Variants in SLC38A8 observed in about 807,000 individuals in gnomAD.
The protein encoded by SLC38A8 is solute carrier family 38 member 8, also known as amino acid transporter SLC38A8.
Under a neutral mutation model 46.0 loss-of-function variants are expected in SLC38A8, and 65 were observed. The ratio of observed to expected loss-of-function variants is 1.41; its 90% confidence interval spans 1.16 to 1.74. The LOEUF (loss-of-function observed/expected upper bound fraction) is 1.74. Ranked by LOEUF, SLC38A8 falls within the 40% of genes most tolerant of loss-of-function variation. The pLI is 0.00. For synonymous variants in SLC38A8, 447 were observed against 243.7 expected (o/e 1.83, Z -7.77); for missense variants, 998 against 567.9 (o/e 1.76, Z -7.70).
Position 84,042,159 on chromosome 16 carries a change from G to A in SLC38A8, c.-2C>T, listed in dbSNP as rs376267915. 6.2e-7 allele frequency: 1 copy of A among 1,607,454 alleles called. No individual in the cohort carries two copies. The highest frequency in any genetic ancestry group is 1.3e-5 in the African/African-American group (1 of 74,628). ...GCTTCCTGGGGTCTGTCCCTCCATG[G>A]CTAGAGGCGGCAGAGGGGTGGAGAG... On this transcript the variant is annotated splice_region_variant and 5_prime_UTR_variant, in exon 2 of 11. Transcript: ENST00000299709.
At chr16:84,011,920 G>C (rs1015522394) in intron 10 of SLC38A8, among the ~76,000 whole-genome samples, 2 of 152,168 alleles carry the variant, frequency 1.3e-5, no homozygotes, top group African/African-American at 4.8e-5. Context: ...GGATTTCTGA[G>C]ACGCAGAGAC....
chr16:84,021,543 C>T (rs2085096683), intron 7 of SLC38A8, among the ~76,000 whole-genome samples: 2 of 152,224 alleles, frequency 1.3e-5, no homozygotes, highest in Admixed American at 1.3e-4. Flanking sequence ...CCATGACTAA[C>T]TAGAGTATCT....
intron 6 of SLC38A8, among the ~76,000 whole-genome samples, chr16:84,025,154 G>A (rs867390458): frequency 6.9e-5 from 7 of 101,520 alleles, no homozygotes; most frequent in Admixed American, 1.9e-4. Flanking sequence ...CACACCGGGC[G>A]GGGATGCTTT....
intron 3 of SLC38A8, among the ~76,000 whole-genome samples, chr16:84,034,464 G>T (rs1165202094): frequency 6.6e-6 from 1 of 152,198 alleles, no homozygotes; most frequent in Non-Finnish European, 1.5e-5. Context: ...GAGTGGGAGG[G>T]TGGTTGGAGG....
intron 2 of SLC38A8, among the ~76,000 whole-genome samples, chr16:84,038,081 C>T (rs773509747): frequency 9.2e-5 from 14 of 151,892 alleles, no homozygotes; most frequent in South Asian, 2.1e-4. Flanking sequence ...GAGGCCAAGG[C>T]GGGAGGATCA....
At chr16:84,013,888 C>A (rs1162403585) in intron 9 of SLC38A8, among the ~76,000 whole-genome samples, 3 of 152,210 alleles carry the variant, frequency 2.0e-5, no homozygotes, top group Admixed American at 6.5e-5. Context: ...GTCACAGCAT[C>A]AGAATTTAAT....
At position 84,016,611 on chromosome 16, in the gene SLC38A8, A is replaced by T. The variant is rs1334767996; in HGVS notation, c.1070T>A (p.Val357Glu). 1.2e-6 allele frequency: 2 copies of T among 1,613,968 alleles called. No homozygotes were observed. The highest frequency in any genetic ancestry group is 2.2e-5 in the South Asian group (2 of 91,090). Residue 357 changes from valine (V) to glutamate (E), a missense_variant, in exon 9 of 11, where the codon GTG becomes GAG. Transcript: ENST00000299709. ...CATAAACAGCGCCATGGCGAGCGTC[A>T]CGGTGACCCACAGGATGGTCAGCGG... Reference protein sequence around the residue: ...RMPLTILWVTVTLAMALFMPD... With the variant: ...RMPLTILWVTETLAMALFMPD...
At chr16:84,038,214 C>T (rs7184301) in intron 2 of SLC38A8, among the ~76,000 whole-genome samples, 1 of 151,620 alleles carries the variant, frequency 6.6e-6, no homozygotes, top group Non-Finnish European at 1.5e-5. Flanking sequence ...GGGAGGCTGA[C>T]GCAGGAGAAT....
At chr16:84,026,110 A>G (rs1319371505) in intron 6 of SLC38A8, among the ~76,000 whole-genome samples, 1 of 152,238 alleles carries the variant, frequency 6.6e-6, no homozygotes, top group Non-Finnish European at 1.5e-5. Context: ...AGCTCTGCGT[A>G]TAGGGGCACA....
intron 9 of SLC38A8, among the ~76,000 whole-genome samples, chr16:84,013,435 T>TGTTTTTTTGTTTTGTTG (rs1555551880): frequency 7.7e-6 from 1 of 130,696 alleles, no homozygotes; most frequent in Non-Finnish European, 1.6e-5. Context: ...TTTTTTTTTT[T>TGTTTTTTTGTTTTGTTG]TTTTTTTTTT....
chr16:84,025,791 C>T lies in SLC38A8; in HGVS notation c.691-2902G>A, dbSNP rs75541435. The stretch of plus-strand genomic sequence containing the variant: ...GGAGGGCACAGTGGCCTCCTCCCTC[C>T]GGCTTCCAGCCCTAGTTGAGCACAG... On this transcript the variant is annotated intron_variant, in intron 6 of 10. Coordinates refer to ENST00000299709, the MANE Select transcript of SLC38A8 (RefSeq NM_001080442.3). Among the ~76,000 whole-genome samples, 830 of 152,358 alleles carry T rather than the reference C, an allele frequency of 5.4e-3. 6 individuals carry two copies. The highest frequency in any genetic ancestry group is 0.018 in the African/African-American group (746 of 41,584).
intron 2 of SLC38A8, among the ~76,000 whole-genome samples, chr16:84,037,744 C>G (rs979472786): frequency 2.8e-5 from 4 of 141,016 alleles, no homozygotes; most frequent in Non-Finnish European, 4.6e-5. Flanking sequence ...CTGGGGGATA[C>G]AGAGAGACTG....
intron 2 of SLC38A8, among the ~76,000 whole-genome samples, chr16:84,040,732 C>T (rs964214786): frequency 2.0e-5 from 3 of 152,228 alleles, no homozygotes; most frequent in Admixed American, 6.5e-5. Flanking sequence ...TCACCTCCTC[C>T]GAGAGGCTTC....
At chr16:84,025,068 A>T (rs2085145797) in intron 6 of SLC38A8, among the ~76,000 whole-genome samples, 1 of 152,180 alleles carries the variant, frequency 6.6e-6, no homozygotes, top group Non-Finnish European at 1.5e-5. Context: ...GGTCGTGGAC[A>T]TTGGTGATTC....
At chr16:84,034,390 G>C (rs183503644) in intron 3 of SLC38A8, among the ~76,000 whole-genome samples, 2 of 152,364 alleles carry the variant, frequency 1.3e-5, no homozygotes, top group Admixed American at 6.5e-5. Context: ...TTCTGCCACA[G>C]TGGGATGAAT....
intron 4 of SLC38A8, among the ~76,000 whole-genome samples, chr16:84,032,271 C>G (rs1388147521): frequency 6.6e-6 from 1 of 152,202 alleles, no homozygotes; most frequent in Non-Finnish European, 1.5e-5. Flanking sequence ...TCACTGCAAA[C>G]TCTGCCTCCC....
intron 7 of SLC38A8, among the ~76,000 whole-genome samples, chr16:84,020,141 GTT>G (rs55834950): frequency 0.018 from 2,482 of 136,040 alleles, 27 homozygotes; most frequent in African/African-American, 0.044. Flanking sequence ...AACATCCGTT[GTT>G]TTTTTTTTTT....
In SLC38A8 at chr16:84,037,336, G is replaced by A. The variant is rs947949559; in HGVS notation, c.190-436C>T. On this transcript the variant is annotated intron_variant, in intron 2 of 10. Coordinates refer to ENST00000299709, the MANE Select transcript of SLC38A8 (RefSeq NM_001080442.3). ...CTGCTCACCTGCTGTGTGGCATGAA[G>A]CAGGATGGCAACCTCTGCTTTTCCA... Among the ~76,000 whole-genome samples the A allele has an allele frequency of 2.0e-5, 3 of 152,266 alleles. No individual in the cohort carries two copies. In the East Asian group the frequency reaches 5.8e-4, roughly 29 times the overall value.
In SLC38A8 at chr16:84,016,522, G is replaced by A; in HGVS notation, c.1159C>T (p.Pro387Ser). The A allele has an allele frequency of 2.5e-6, 4 of 1,613,714 alleles. No individual in the cohort carries two copies. Among genetic ancestry groups the A allele is most frequent in the Non-Finnish European group, 3.4e-6 (4 of 1,179,708 alleles). ...GISSFFIFIF[P>S]GLCLICAMGV... is the part of the protein sequence containing the mutation. ...GCCTGGAAAGCAGGGGCCTCACCTG[G>A]GAAGATGAAGATGAAGAAGGAACTG... The change falls in exon 9 of 11, where the codon CCA becomes TCA. Residue 387 changes from proline to serine, a missense_variant. Transcript: ENST00000299709.
Sources: gnomAD v4.1 joint callset for allele counts (sites outside exome capture counted in the v4.1 genomes callset) on GRCh38, gnomAD v4.1.1 for gene constraint, MANE v1.5 for transcripts, NCBI Gene and HGNC (gene_info 2026-07-23, HGNC 2026-07-21) for gene names.